Variants in SERGEF observed in about 807,000 individuals in gnomAD.
The protein encoded by SERGEF is secretion regulating guanine nucleotide exchange factor.
In SERGEF, 51 loss-of-function variants were observed where a neutral mutation model predicts 50.0. The observed-to-expected ratio is 1.02, with a 90% CI of 0.81 to 1.29. The LOEUF is 1.29. SERGEF is among the 50% of genes most tolerant of loss of function. The pLI, the probability that SERGEF is intolerant of heterozygous loss-of-function variation, is 0.00. For synonymous variants in SERGEF, 205 were observed against 212.4 expected (o/e 0.97, Z 0.30); for missense variants, 521 against 557.0 (o/e 0.94, Z 0.65).
At chr11:18,008,743 G>A (rs1464983629) in intron 1 of SERGEF, among the ~76,000 whole-genome samples, 1 of 151,482 alleles carries the variant, frequency 6.6e-6, no homozygotes, top group South Asian at 2.1e-4. Flanking sequence ...GGTGTATCTC[G>A]TATCTCTCCT....
At chr11:17,996,054 G>A (rs1853831711) in intron 5 of SERGEF, 145 bp from the exon 6 acceptor site, 5 of 650,042 alleles carry the variant, frequency 7.7e-6, no homozygotes, top group East Asian at 2.7e-5. Context: ...GCTTCAAGAG[G>A]TCCTGTAACT....
chr11:17,973,441 A>G (rs546368469), intron 8 of SERGEF, among the ~76,000 whole-genome samples: 154 of 152,322 alleles, frequency 1.0e-3, no homozygotes, highest in African/African-American at 3.3e-3. Context: ...TGGTTTCCAA[A>G]GAGAAACTGG....
intron 8 of SERGEF, among the ~76,000 whole-genome samples, chr11:17,979,587 T>C (rs540571248): frequency 1.4e-4 from 22 of 152,280 alleles, no homozygotes; most frequent in South Asian, 4.1e-4. Context: ...TCTTAACACC[T>C]GGCCAGAGGC....
At chr11:17,929,063 T>C (rs191998446) in intron 9 of SERGEF, among the ~76,000 whole-genome samples, 166 of 152,300 alleles carry the variant, frequency 1.1e-3, no homozygotes, top group African/African-American at 3.5e-3. Context: ...ATTTTGCAAA[T>C]AGCAGAATTA....
chr11:17,930,747 T>C (rs1203642162), intron 9 of SERGEF, among the ~76,000 whole-genome samples: 1 of 152,206 alleles, frequency 6.6e-6, no homozygotes, highest in Non-Finnish European at 1.5e-5. Flanking sequence ...ACCTACTGGA[T>C]GTGTGATTTG....
intron 10 of SERGEF, among the ~76,000 whole-genome samples, chr11:17,831,122 T>G (rs1287289146): frequency 6.6e-6 from 1 of 152,192 alleles, no homozygotes; most frequent in African/African-American, 2.4e-5. Flanking sequence ...AATCAAACTT[T>G]AGGTAAATAA....
intron 10 of SERGEF, among the ~76,000 whole-genome samples, chr11:17,822,042 C>T (rs1385574889): frequency 2.6e-5 from 4 of 152,188 alleles, no homozygotes; most frequent in Non-Finnish European, 4.4e-5. Context: ...TCCAAACTCC[C>T]TCTAAACAGA....
chr11:17,951,839 C>T (rs1211443877), intron 9 of SERGEF, among the ~76,000 whole-genome samples: 1 of 152,174 alleles, frequency 6.6e-6, no homozygotes, highest in African/African-American at 2.4e-5. Context: ...GCAGCATCTG[C>T]CCTTCCCGCC....
intron 4 of SERGEF, among the ~76,000 whole-genome samples, chr11:18,002,902 T>G (rs1283697318): frequency 6.6e-6 from 1 of 152,240 alleles, no homozygotes; most frequent in Non-Finnish European, 1.5e-5. Context: ...CAAAATGTTT[T>G]TACTCTCTGA....
intron 9 of SERGEF, among the ~76,000 whole-genome samples, chr11:17,948,447 G>A (rs568566049): frequency 3.3e-5 from 5 of 152,120 alleles, no homozygotes; most frequent in Non-Finnish European, 5.9e-5. Context: ...TTGCTCCCTC[G>A]TGCAGACCCG....
At chr11:17,797,511 A>T (rs1849591058) in intron 10 of SERGEF, among the ~76,000 whole-genome samples, 1 of 152,268 alleles carries the variant, frequency 6.6e-6, no homozygotes, top group South Asian at 2.1e-4. Flanking sequence ...TGACAACTTT[A>T]TATGAAATAG....
At chr11:17,972,894 C>T (rs1853281337) in intron 8 of SERGEF, among the ~76,000 whole-genome samples, 1 of 152,126 alleles carries the variant, frequency 6.6e-6, no homozygotes, top group Non-Finnish European at 1.5e-5. Flanking sequence ...TCCATCTCCT[C>T]CAGATCCTCC....
intron 9 of SERGEF, among the ~76,000 whole-genome samples, chr11:17,882,418 CAAAA>C (rs770460948): frequency 2.9e-5 from 2 of 68,194 alleles, no homozygotes; most frequent in Non-Finnish European, 6.0e-5. Context: ...GAGTCAGTCT[CAAAA>C]AAAAAAAAAA....
At chr11:18,012,495 G>C in intron 1 of SERGEF, 4 of 1,091,368 alleles carry the variant, frequency 3.7e-6, no homozygotes, top group Non-Finnish European at 4.5e-6. Flanking sequence ...AACACCGCAG[G>C]CCTCACATCT....
chr11:18,004,251 CAG>C (rs1854026139), intron 4 of SERGEF, among the ~76,000 whole-genome samples, 188 bp downstream of exon 4: 1 of 152,158 alleles, frequency 6.6e-6, no homozygotes, highest in Admixed American at 6.5e-5. Context: ...TGAAAACTAA[CAG>C]AGGTTTTCAT....
rs545097648 is a variant in SERGEF, at chr11:17,966,754, A to G, written c.845-7118T>C. Among the ~76,000 whole-genome samples the G allele has an allele frequency of 5.9e-5, 9 of 152,368 alleles. 1 individual carries two copies. Among genetic ancestry groups the G allele is most frequent in the African/African-American group, 2.2e-4 (9 of 41,600 alleles). The stretch of plus-strand genomic sequence containing the variant: ...AAAGGTTTGGAATTTTTTTAAGTTA[A>G]TACAGAAATAAGATTTCCAAATACA... On this transcript the variant is annotated intron_variant, in intron 8 of 10. Coordinates refer to ENST00000265965, the MANE Select transcript of SERGEF (RefSeq NM_012139.4).
intron 9 of SERGEF, among the ~76,000 whole-genome samples, chr11:17,898,167 CCT>C (rs1851681666): frequency 6.6e-6 from 1 of 152,096 alleles, no homozygotes; most frequent in Admixed American, 6.6e-5. Context: ...GGAATCTGGC[CCT>C]GTCTTGCCTT....
At chr11:17,933,206 T>C (rs1026945091) in intron 9 of SERGEF, among the ~76,000 whole-genome samples, 6 of 152,180 alleles carry the variant, frequency 3.9e-5, no homozygotes, top group Non-Finnish European at 1.5e-5. Flanking sequence ...ATACACATGG[T>C]TAATCATAAA....
intron 10 of SERGEF, among the ~76,000 whole-genome samples, chr11:17,868,192 T>C (rs535898699): frequency 1.3e-5 from 2 of 152,364 alleles, no homozygotes; most frequent in Admixed American, 1.3e-4. Context: ...CTTTATGCTC[T>C]GTTTCCCTTT....
Sources: gnomAD v4.1 joint callset for allele counts (sites outside exome capture counted in the v4.1 genomes callset) on GRCh38, gnomAD v4.1.1 for gene constraint, MANE v1.5 for transcripts, NCBI Gene and HGNC (gene_info 2026-07-23, HGNC 2026-07-21) for gene names.